The following HINT2 variants were observed in gnomAD, a reference collection of about 807,000 sequenced individuals.
HINT2 encodes adenosine 5'-monophosphoramidase HINT2.
Under a neutral mutation model 20.0 loss-of-function variants are expected in HINT2, and 17 were observed. The observed-to-expected ratio is 0.85, with a 90% CI of 0.58 to 1.27. The LOEUF (loss-of-function observed/expected upper bound fraction) is 1.27, where lower values mean the gene tolerates loss of function less well. HINT2 is among the 50% of genes most tolerant of loss of function. The pLI, the probability that HINT2 is intolerant of heterozygous loss-of-function variation, is 0.00. For synonymous variants in HINT2, 96 were observed against 84.2 expected (o/e 1.14, Z -0.77); for missense variants, 217 against 211.9 (o/e 1.02, Z -0.15).
At chr9:35,814,614 G>A in intron 1 of HINT2, 1 of 416,314 alleles carries the variant, frequency 2.4e-6, no homozygotes, top group Non-Finnish European at 4.3e-6. Context: ...TCCTGCAGGG[G>A]GCATCGGGCC....
chr9:35,813,878 T>G, intron 1 of HINT2, 94 bp from the exon 2 acceptor site: 1 of 1,380,978 alleles, frequency 7.2e-7, no homozygotes, highest in Non-Finnish European at 9.8e-7. Flanking sequence ...CTATTCATCG[T>G]TCCCACCCAG....
chr9:35,815,149 T>C (rs1828990074), upstream of HINT2: 8 of 540,132 alleles, frequency 1.5e-5, no homozygotes, highest in Non-Finnish European at 2.4e-5. Context: ...CTGCAGCCAC[T>C]TTGGAGGCGG....
At chr9:35,814,371 G>A (rs531052425) in intron 1 of HINT2, 2 of 154,818 alleles carry the variant, frequency 1.3e-5, no homozygotes, top group African/African-American at 4.8e-5. Flanking sequence ...AATGAGTGGA[G>A]GTAAGAGTTC....
chr9:35,813,344 G>A lies in HINT2; in HGVS notation c.328-6C>T, dbSNP rs753197370. On this transcript the variant is annotated splice_region_variant and splice_polypyrimidine_tract_variant and intron_variant, in intron 3 of 4. Transcript: ENST00000259667. ...AGGAGTAGGTGTCCTAGAAGCTATA[G>A]AGAGAGCGGAGGGACATAGGTGGCT... 2 of 1,613,454 alleles carry A rather than the reference G, an allele frequency of 1.2e-6. No individual in the cohort carries two copies. The highest frequency in any genetic ancestry group is 1.7e-6 in the Non-Finnish European group (2 of 1,179,378).
chr9:35,813,092 C>A lies in HINT2; in HGVS notation c.454G>T (p.Val152Leu). The change falls in exon 5 of 5, where the codon GTA becomes TTA. Residue 152 changes from valine to leucine, a missense_variant. By Grantham distance (32) the Val-to-Leu change is conservative (BLOSUM62 1). Coordinates refer to ENST00000259667, the MANE Select transcript of HINT2 (RefSeq NM_032593.3). ...CACTGGAGCTGCCGGCCCCCAAGTACATGAATGTGCAGATGATACACAGAT... is the reference window on the plus strand; with the variant it reads ...CACTGGAGCTGCCGGCCCCCAAGTAAATGAATGTGCAGATGATACACAGAT... ...AQSVYHLHIH[V>L]LGGRQLQWPP... 1.9e-6 allele frequency: 3 copies of A among 1,614,226 alleles called. No homozygotes were observed. The highest frequency in any genetic ancestry group is 2.5e-6 in the Non-Finnish European group (3 of 1,180,038).
intron 1 of HINT2, 132 bp downstream of exon 1, chr9:35,814,767 G>T (rs1333972221): frequency 4.0e-6 from 3 of 747,220 alleles, no homozygotes; most frequent in Non-Finnish European, 6.0e-6. Context: ...CACAGCCCCG[G>T]AGCTTGTGCC....
At chr9:35,815,073 T>G, upstream of HINT2, 1 of 1,183,904 alleles carries the variant, frequency 8.4e-7, no homozygotes, top group Non-Finnish European at 1.1e-6. Flanking sequence ...AGCGGGGTAG[T>G]GGCGGCCGGG....
chr9:35,814,578 C>T, intron 1 of HINT2: 1 of 343,790 alleles, frequency 2.9e-6, no homozygotes, highest in Non-Finnish European at 5.3e-6. Context: ...GGGCAGAGCA[C>T]TGGCTCCAAG....
chr9:35,813,130 T>G lies in HINT2; in HGVS notation c.416A>C (p.Lys139Thr), dbSNP rs990936740. ...DGYRLVINDG[K>T]LGAQSVYHLH... The stretch of plus-strand genomic sequence containing the variant: ...ATGATACACAGATTGTGCACCCAGC[T>G]TCCCATCGTTGATCACTGAAATTGA... Residue 139 changes from lysine to threonine, a missense_variant, in exon 5 of 5, where the codon AAG (lysine) becomes ACG (threonine). By Grantham distance (78) the Lys-to-Thr change is moderately conservative (BLOSUM62 -1). Transcript: ENST00000259667. 1 of 1,614,208 alleles carries G rather than the reference T, an allele frequency of 6.2e-7. No individual in the cohort carries two copies. Among genetic ancestry groups the G allele is most frequent in the African/African-American group, 1.3e-5 (1 of 75,050 alleles).
chr9:35,814,835 C>A, intron 1 of HINT2, 64 bp downstream of exon 1: 2 of 1,374,124 alleles, frequency 1.5e-6, no homozygotes, highest in South Asian at 2.8e-5. Context: ...CCTTCGGGAC[C>A]CCCTGGCCCC....
Position 35,813,632 on chromosome 9 carries a change from A to G in HINT2, c.222+12T>C. On this transcript the variant is annotated intron_variant, in intron 2 of 4. Transcript: ENST00000259667. ...AACATTCCTAAGGGGATAGGTCCTA[A>G]GAGCACCCCACCTGCTGGTCCTCAT... is the stretch of plus-strand genomic sequence containing the variant. 1 of 1,614,098 alleles carries G rather than the reference A, an allele frequency of 6.2e-7. No individual in the cohort carries two copies. Among genetic ancestry groups the G allele is most frequent in the South Asian group, 1.1e-5 (1 of 91,076 alleles).
chr9:35,814,989 G>A lies in HINT2; in HGVS notation c.-10C>T, dbSNP rs1209289717. 2 of 1,457,766 alleles carry A rather than the reference G, an allele frequency of 1.4e-6. No individual in the cohort carries two copies. Among genetic ancestry groups the A allele is most frequent in the Non-Finnish European group, 1.8e-6 (2 of 1,111,616 alleles). The allele number at this position is 1,457,766 out of a possible 1,614,324, so 90.3% of individuals were successfully genotyped here. On this transcript the variant is annotated 5_prime_UTR_variant, in exon 1 of 5. Coordinates refer to ENST00000259667, the MANE Select transcript of HINT2 (RefSeq NM_032593.3). ...CCACGGCTGCCGCCATCTTCCCTGA[G>A]CCGCGGGAACCTCTCACCCGGGTCA...
At chr9:35,815,043 G>A, upstream of HINT2, 2 of 1,316,466 alleles carry the variant, frequency 1.5e-6, no homozygotes, top group Non-Finnish European at 2.0e-6. Flanking sequence ...GGCCGTGGGT[G>A]GGGACTCCGG....
rs768864113 is a variant in HINT2 at position 35,813,633 on chromosome 9, G to A, written c.222+11C>T. On this transcript the variant is annotated intron_variant, in intron 2 of 4. Coordinates refer to ENST00000259667, the MANE Select transcript of HINT2 (RefSeq NM_032593.3). ...ACATTCCTAAGGGGATAGGTCCTAA[G>A]AGCACCCCACCTGCTGGTCCTCATA... 6.2e-7 allele frequency: 1 copy of A among 1,614,076 alleles called. No homozygotes were observed. The highest frequency in any genetic ancestry group is 2.2e-5 in the East Asian group (1 of 44,898).
At chr9:35,814,584 C>T (rs1828965533) in intron 1 of HINT2, 7 of 355,346 alleles carry the variant, frequency 2.0e-5, no homozygotes, top group Non-Finnish European at 3.6e-5. Flanking sequence ...AGCACTGGCT[C>T]CAAGAAGAGA....
At chr9:35,814,552 G>A (rs1362166222) in intron 1 of HINT2, 2 of 272,720 alleles carry the variant, frequency 7.3e-6, no homozygotes, top group South Asian at 1.7e-4. Flanking sequence ...TCATTAGGAG[G>A]CCAGAAGCCT....
rs774076152 is a variant in HINT2 at position 35,813,643 on chromosome 9, C to A, written c.222+1G>T. The A allele has an allele frequency of 2.4e-5, 39 of 1,614,202 alleles. 1 individual carries two copies. In the South Asian group the frequency reaches 4.2e-4, roughly 17 times the overall value. On this transcript the variant is annotated splice_donor_variant, in intron 2 of 4. Transcript: ENST00000259667. LOFTEE classifies it high-confidence loss of function. Reference sequence around the variant, plus strand: ...GGGGATAGGTCCTAAGAGCACCCCACCTGCTGGTCCTCATAGAGAATGTCA... The same window carrying A: ...GGGGATAGGTCCTAAGAGCACCCCAACTGCTGGTCCTCATAGAGAATGTCA...
Position 35,813,446 on chromosome 9 carries a change from T to C in HINT2, c.326A>G (p.Gln109Arg), listed in dbSNP as rs1322528378. The C allele has an allele frequency of 1.2e-6, 2 of 1,614,162 alleles. No homozygotes were observed. The highest frequency in any genetic ancestry group is 1.1e-5 in the South Asian group (1 of 91,078). Residue 109 changes from glutamine (Q) to arginine (R), a missense_variant and splice_region_variant, in exon 3 of 5, where the codon CAG becomes CGG. Coordinates refer to ENST00000259667, the MANE Select transcript of HINT2 (RefSeq NM_032593.3). ...AAACCCTGGCCCTGTTCTTCCCACC[T>C]GCTGGTCTTCTTCTTCAGCCTGGCT... Reference protein sequence around the residue: ...RISQAEEEDQQLLGHLLLVAK... With the variant: ...RISQAEEEDQRLLGHLLLVAK...
At chr9:35,814,867 G>A in intron 1 of HINT2, 32 bp downstream of exon 1, 2 of 1,472,292 alleles carry the variant, frequency 1.4e-6, no homozygotes, top group Non-Finnish European at 1.8e-6. Context: ...GAGCCCGCAG[G>A]ACCCCCTACT....
Sources: allele counts gnomAD v4.1 joint callset, GRCh38; gene constraint gnomAD v4.1.1; transcripts MANE v1.5; gene names NCBI Gene and HGNC (gene_info 2026-07-23, HGNC 2026-07-21).